SVOPL: variants seen among roughly 807,000 people sequenced by gnomAD.
The protein encoded by SVOPL is putative transporter SVOPL.
In SVOPL, 60 loss-of-function variants were observed where a neutral mutation model predicts 61.0. That is an observed-to-expected ratio of 0.98 (90% CI 0.80 to 1.22). SVOPL has a LOEUF of 1.22. Among genes scored for constraint, SVOPL ranks in the 50% most tolerant of loss-of-function variants. The pLI is 0.00. For synonymous variants in SVOPL, 279 were observed against 250.0 expected (o/e 1.12, Z -1.09); for missense variants, 662 against 643.9 (o/e 1.03, Z -0.30).
chr7:138,642,948 G>A (rs1310239386), intron 9 of SVOPL, among the ~76,000 whole-genome samples: 2 of 151,634 alleles, frequency 1.3e-5, no homozygotes, highest in Non-Finnish European at 2.9e-5. Flanking sequence ...AAATTGAATC[G>A]TAGTTTTTTA....
intron 1 of SVOPL, among the ~76,000 whole-genome samples, chr7:138,698,996 C>CA (rs763307990): frequency 5.9e-5 from 9 of 152,072 alleles, no homozygotes; most frequent in Non-Finnish European, 1.2e-4. Flanking sequence ...ACTAAAAATA[C>CA]AAAAAATTAG....
rs759829104 is a variant in SVOPL, at chr7:138,621,121, C to T, written c.1278G>A (p.Thr426=). ...YIYTAEVYPT[T]MRALGMGTSG... is the part of the protein sequence containing the mutation. ...TGGTTCCCATCCCCAAAGCGCGCAT[C>T]GTGGTGGGGTAGACCTGCAGGGAGA... The change falls in exon 14 of 16, where the codon ACG becomes ACA. Residue 426 remains threonine, a synonymous_variant. Coordinates refer to ENST00000674285, the MANE Select transcript of SVOPL (RefSeq NM_001139456.2). The T allele has an allele frequency of 1.5e-5, 24 of 1,613,530 alleles. 1 individual carries two copies. Among genetic ancestry groups the T allele is most frequent in the Admixed American group, 1.3e-4 (8 of 59,948 alleles).
intron 13 of SVOPL, among the ~76,000 whole-genome samples, chr7:138,622,290 C>CTATG (rs1216244689): frequency 1.9e-5 from 2 of 106,570 alleles, no homozygotes; most frequent in African/African-American, 3.3e-5. Flanking sequence ...ATCTATCTAT[C>CTATG]TATCTATCTA....
chr7:138,650,311 G>A (rs774566848), intron 7 of SVOPL, among the ~76,000 whole-genome samples: 6 of 152,040 alleles, frequency 3.9e-5, no homozygotes, highest in African/African-American at 1.2e-4. Flanking sequence ...GGGAGGGTCC[G>A]GGATGCCTCC....
rs1439291853 is a variant in SVOPL at position 138,612,455 on chromosome 7, A to T, written c.1353+8591T>A. On this transcript the variant is annotated intron_variant, in intron 14 of 15. Transcript: ENST00000674285. ...AAAAAATAAAAAAAAAATAAAAAAA[A>T]AAAAAAAAGAAAGATAAGACTTTAT... 3.1e-4 allele frequency among the ~76,000 whole-genome samples: 6 copies of T among 19,620 alleles called. 1 individual carries two copies. The highest frequency in any genetic ancestry group is 6.7e-3 in the South Asian group (1 of 150). The allele number at this position is 19,620 out of a possible 152,430, so 12.9% of individuals were successfully genotyped here.
intron 3 of SVOPL, among the ~76,000 whole-genome samples, chr7:138,673,425 G>A (rs1802479007): frequency 2.0e-5 from 3 of 152,168 alleles, no homozygotes; most frequent in Admixed American, 6.5e-5. Flanking sequence ...GGAAGGCTGA[G>A]GTAGGCGGAT....
intron 3 of SVOPL, among the ~76,000 whole-genome samples, chr7:138,674,764 G>A (rs1016138717): frequency 6.6e-6 from 1 of 151,838 alleles, no homozygotes; most frequent in Non-Finnish European, 1.5e-5. Context: ...GCTGAAGCAG[G>A]AGAATGGCGT....
rs531775492 is a variant in SVOPL at position 138,633,623 on chromosome 7, A to G, written c.790-3501T>C. 3.9e-5 allele frequency among the ~76,000 whole-genome samples: 6 copies of G among 152,276 alleles called. No homozygotes were observed. The South Asian group carries it at 8.3e-4, about 21-fold the overall frequency. On this transcript the variant is annotated intron_variant, in intron 9 of 15. Coordinates refer to ENST00000674285, the MANE Select transcript of SVOPL (RefSeq NM_001139456.2). Reference sequence around the variant, plus strand: ...CACCCAGTCTCAGGTATTCCTTTATAGCAATGCAAAACGAACAGACACACT... The same window carrying G: ...CACCCAGTCTCAGGTATTCCTTTATGGCAATGCAAAACGAACAGACACACT...
intron 6 of SVOPL, among the ~76,000 whole-genome samples, chr7:138,657,224 C>T (rs1801790656): frequency 6.6e-6 from 1 of 151,730 alleles, no homozygotes; most frequent in Non-Finnish European, 1.5e-5. Flanking sequence ...GGTTTGATCA[C>T]AGCTCGCTGC....
chr7:138,629,473 T>A (rs1584802761), intron 10 of SVOPL, among the ~76,000 whole-genome samples: 1 of 152,150 alleles, frequency 6.6e-6, no homozygotes, highest in Admixed American at 6.5e-5. Flanking sequence ...CCTCAGGTGA[T>A]CCGCCTGTCT....
At chr7:138,662,087 G>C (rs1802026666) in intron 5 of SVOPL, 5 of 985,392 alleles carry the variant, frequency 5.1e-6, no homozygotes, top group Non-Finnish European at 6.0e-6. Context: ...AGTTTGGGTG[G>C]CTTCTTTATA....
At chr7:138,689,732 C>G (rs972472516) in intron 1 of SVOPL, among the ~76,000 whole-genome samples, 1 of 151,564 alleles carries the variant, frequency 6.6e-6, no homozygotes, top group Non-Finnish European at 1.5e-5. Context: ...TGGCGCACAC[C>G]TGTAATCCCA....
intron 1 of SVOPL, among the ~76,000 whole-genome samples, chr7:138,700,618 C>A (rs1411568370): frequency 6.6e-6 from 1 of 152,064 alleles, no homozygotes; most frequent in South Asian, 2.1e-4. Context: ...GGATTACAGG[C>A]GTGAGCCACC....
chr7:138,673,734 T>A (rs77192275), intron 3 of SVOPL, among the ~76,000 whole-genome samples: 1 of 152,350 alleles, frequency 6.6e-6, no homozygotes, highest in East Asian at 1.9e-4. Context: ...TTCACCAAGA[T>A]GCCACTCCTC....
chr7:138,603,670 T>C (rs1798623048), intron 14 of SVOPL, among the ~76,000 whole-genome samples: 1 of 152,116 alleles, frequency 6.6e-6, no homozygotes, highest in African/African-American at 2.4e-5. Flanking sequence ...AGACTCTGTC[T>C]AAAAAACAGA....
intron 14 of SVOPL, among the ~76,000 whole-genome samples, chr7:138,599,167 A>AAAAAAAAAAAAC (rs58372563): frequency 5.7e-5 from 7 of 121,800 alleles, no homozygotes; most frequent in African/African-American, 9.5e-5. Context: ...ACCAAAAAAA[A>AAAAAAAAAAAAC]AAGAAATACA....
chr7:138,644,899 G>T, intron 8 of SVOPL, 54 bp from the exon 9 acceptor site: 2 of 1,610,304 alleles, frequency 1.2e-6, no homozygotes, highest in Non-Finnish European at 1.7e-6. Flanking sequence ...GAACCCAGGG[G>T]TACAGCTATT....
chr7:138,677,374 G>A (rs866974461), intron 3 of SVOPL, among the ~76,000 whole-genome samples: 3 of 152,212 alleles, frequency 2.0e-5, no homozygotes, highest in Middle Eastern at 3.4e-3. Flanking sequence ...TAAGGGGGCT[G>A]GGGAGTCATG....
chr7:138,630,063 C>T lies in SVOPL; in HGVS notation c.849G>A (p.Gln283=). 1.2e-6 allele frequency: 2 copies of T among 1,613,730 alleles called. No individual in the cohort carries two copies. Among genetic ancestry groups the T allele is most frequent in the Non-Finnish European group, 1.7e-6 (2 of 1,179,662 alleles). The change falls in exon 10 of 16, where the codon CAG becomes CAA. Residue 283 remains glutamine, a synonymous_variant. Coordinates refer to ENST00000674285, the MANE Select transcript of SVOPL (RefSeq NM_001139456.2). ...TACACTCTTACCATATGACCCAGAT[C>T]TGTAATGTGGTCCGTAAATATTTAG... ...LDAKYLRTTL[Q]IWVIWLGISF... is the part of the protein sequence containing the mutation.
Sources: gnomAD v4.1 joint callset for allele counts (sites outside exome capture counted in the v4.1 genomes callset) on GRCh38, gnomAD v4.1.1 for gene constraint, MANE v1.5 for transcripts, NCBI Gene and HGNC (gene_info 2026-07-23, HGNC 2026-07-21) for gene names.